Variants in SEL1L2 observed in about 807,000 individuals in gnomAD.
SEL1L2 encodes the protein protein sel-1 homolog 2.
Under a neutral mutation model 98.8 loss-of-function variants are expected in SEL1L2, and 89 were observed. The ratio of observed to expected loss-of-function variants is 0.90; its 90% CI spans 0.76 to 1.07. The LOEUF (loss-of-function observed/expected upper bound fraction) is 1.07, where lower values mean the gene tolerates loss of function less well. SEL1L2 is among the 50% of genes least tolerant of loss of function. The probability of loss-of-function intolerance (pLI) is 0.00; values close to 1 mark genes in which losing one functional copy is unlikely to be tolerated. For missense variants in SEL1L2, 788 were observed against 812.0 expected (o/e 0.97, Z 0.36); for synonymous variants, 262 against 278.5 (o/e 0.94, Z 0.59).
intron 18 of SEL1L2, among the ~76,000 whole-genome samples, chr20:13,858,287 C>A (rs921968895): frequency 6.6e-6 from 1 of 152,120 alleles, no homozygotes; most frequent in Non-Finnish European, 1.5e-5. Context: ...ATAATTCCCA[C>A]GTTATTTGGC....
At chr20:13,858,888 T>A (rs1989589109) in intron 18 of SEL1L2, among the ~76,000 whole-genome samples, 1 of 152,196 alleles carries the variant, frequency 6.6e-6, no homozygotes, top group South Asian at 2.1e-4. Flanking sequence ...TTTCTCCTTG[T>A]TCCTGAGAGC....
chr20:13,938,769 C>T (rs1175434732), intron 2 of SEL1L2, among the ~76,000 whole-genome samples: 2 of 152,060 alleles, frequency 1.3e-5, no homozygotes, highest in African/African-American at 2.4e-5. Context: ...TTTTGAGGAT[C>T]AAACGAGTTA....
rs1431180826 is a variant in SEL1L2 at position 13,915,235 on chromosome 20, T to C, written c.387-1291A>G. 3 of 1,289,398 alleles carry C rather than the reference T, an allele frequency of 2.3e-6. No individual in the cohort carries two copies. In the Admixed American group the frequency reaches 6.9e-5, roughly 30 times the overall value. The allele number at this position is 1,289,398 out of a possible 1,614,324, so 79.9% of individuals were successfully genotyped here. On this transcript the variant is annotated intron_variant, in intron 4 of 19. Coordinates refer to ENST00000284951, the MANE Select transcript of SEL1L2 (RefSeq NM_025229.2). Reference sequence around the variant, plus strand: ...GACAGAGAAACATCCAGGTAGGCATTAGAATCCTGGATGTCAAAACACAGG... The same window carrying C: ...GACAGAGAAACATCCAGGTAGGCATCAGAATCCTGGATGTCAAAACACAGG...
At chr20:13,887,316 A>G (rs950845536) in intron 8 of SEL1L2, among the ~76,000 whole-genome samples, 2 of 152,302 alleles carry the variant, frequency 1.3e-5, no homozygotes, top group African/African-American at 2.4e-5. Context: ...GTGCTTAGAC[A>G]TTATTCTGAT....
upstream of SEL1L2, among the ~76,000 whole-genome samples, chr20:13,990,831 G>A (rs1315985782): frequency 3.9e-5 from 6 of 152,226 alleles, no homozygotes; most frequent in South Asian, 4.1e-4. Context: ...AGTCCGACTC[G>A]TACGTGTCCA....
At chr20:13,963,792 G>A (rs2050896006) in intron 1 of SEL1L2, among the ~76,000 whole-genome samples, 3 of 152,050 alleles carry the variant, frequency 2.0e-5, no homozygotes, top group African/African-American at 7.2e-5. Flanking sequence ...CTTCACCCTT[G>A]TTACCAGAGG....
chr20:13,860,359 C>G (rs1268396141), intron 17 of SEL1L2, among the ~76,000 whole-genome samples: 1 of 152,198 alleles, frequency 6.6e-6, no homozygotes, highest in Non-Finnish European at 1.5e-5. Context: ...TCCAAACTGG[C>G]TTCTGCCCCC....
At chr20:13,872,683 A>G (rs895564092) in intron 12 of SEL1L2, among the ~76,000 whole-genome samples, 1 of 152,048 alleles carries the variant, frequency 6.6e-6, no homozygotes, top group African/African-American at 2.4e-5. Context: ...GCAGGGACAA[A>G]TTACTTTCTC....
chr20:13,956,040 C>T, intron 2 of SEL1L2, 36 bp downstream of exon 2: 2 of 1,259,498 alleles, frequency 1.6e-6, no homozygotes, highest in Non-Finnish European at 2.3e-6. Flanking sequence ...CCTAAATTTT[C>T]TATTAAAAAA....
At chr20:13,993,124 A>G (rs1210460832), upstream of SEL1L2, among the ~76,000 whole-genome samples, 2 of 152,172 alleles carry the variant, frequency 1.3e-5, no homozygotes, top group African/African-American at 4.8e-5. Flanking sequence ...TGGACAGAAG[A>G]GGGGCAACAG....
chr20:13,941,279 G>C (rs1339199916), intron 2 of SEL1L2, among the ~76,000 whole-genome samples: 2 of 152,178 alleles, frequency 1.3e-5, no homozygotes, highest in Non-Finnish European at 2.9e-5. Flanking sequence ...CTGCCTGCCT[G>C]AGACTGTGCA....
At chr20:13,952,818 C>T (rs577929653) in intron 2 of SEL1L2, among the ~76,000 whole-genome samples, 128 of 152,242 alleles carry the variant, frequency 8.4e-4, no homozygotes, top group Non-Finnish European at 1.4e-3. Context: ...ATCACGAGGT[C>T]AAAAGATCAA....
At chr20:13,878,354 A>G (rs1477180027) in intron 10 of SEL1L2, among the ~76,000 whole-genome samples, 5 of 147,968 alleles carry the variant, frequency 3.4e-5, no homozygotes, top group Non-Finnish European at 5.9e-5. Context: ...CCCAGGCTGG[A>G]GTGCAGTGGC....
chr20:13,915,062 A>G (rs886091750), intron 4 of SEL1L2: 38 of 1,239,290 alleles, frequency 3.1e-5, no homozygotes, highest in Non-Finnish European at 3.7e-5. Flanking sequence ...AAATACAGGG[A>G]AAAAAAACCC....
Position 13,865,933 on chromosome 20 carries a change from G to C in SEL1L2, c.1405-419C>G, listed in dbSNP as rs1229544193. Among the ~76,000 whole-genome samples the C allele has an allele frequency of 4.6e-5, 7 of 152,188 alleles. No individual in the cohort carries two copies. The South Asian group carries it at 1.0e-3, about 23-fold the overall frequency. On this transcript the variant is annotated intron_variant, in intron 15 of 19. Transcript: ENST00000284951. ...GGCCACAGCTGATGTGAAAAGGAGAGAATGAAGGAAAGACAGTGCCGGAGG... is the reference window on the plus strand; with the variant it reads ...GGCCACAGCTGATGTGAAAAGGAGACAATGAAGGAAAGACAGTGCCGGAGG...
chr20:13,933,726 T>C (rs1374080917), intron 2 of SEL1L2, among the ~76,000 whole-genome samples: 1 of 152,136 alleles, frequency 6.6e-6, no homozygotes, highest in African/African-American at 2.4e-5. Flanking sequence ...GGAGCATCAG[T>C]ATCTAGCAGA....
At position 13,976,246 on chromosome 20, in the gene SEL1L2, G is replaced by A. The variant is rs190862355; in HGVS notation, c.58+14231C>T. Among the ~76,000 whole-genome samples the A allele has an allele frequency of 5.3e-5, 8 of 151,614 alleles. No individual in the cohort carries two copies. The South Asian group carries it at 6.3e-4, about 12-fold the overall frequency. ...CGATCTCCTGACCTCGTGATCCACCGGCCTCGGCCTCCCAAAGTGCTGGGA... is the reference window on the plus strand; with the variant it reads ...CGATCTCCTGACCTCGTGATCCACCAGCCTCGGCCTCCCAAAGTGCTGGGA... On this transcript the variant is annotated intron_variant, in intron 1 of 19. Coordinates refer to ENST00000284951, the MANE Select transcript of SEL1L2 (RefSeq NM_025229.2).
intron 18 of SEL1L2, among the ~76,000 whole-genome samples, chr20:13,856,117 A>T (rs1391058970): frequency 6.6e-6 from 1 of 151,960 alleles, no homozygotes; most frequent in Non-Finnish European, 1.5e-5. Context: ...CAAATCAAGT[A>T]TCAACTGAAA....
At chr20:13,944,812 G>C (rs2049938616) in intron 2 of SEL1L2, among the ~76,000 whole-genome samples, 1 of 152,178 alleles carries the variant, frequency 6.6e-6, no homozygotes, top group Admixed American at 6.5e-5. Context: ...TCTGAAATTG[G>C]AGAACAAACA....
Sources: gnomAD v4.1 joint callset for allele counts (sites outside exome capture counted in the v4.1 genomes callset) on GRCh38, gnomAD v4.1.1 for gene constraint, MANE v1.5 for transcripts, NCBI Gene and HGNC (gene_info 2026-07-23, HGNC 2026-07-21) for gene names.